PRR16: variants seen among roughly 807,000 people sequenced by gnomAD.
The protein encoded by PRR16 is proline rich 16.
PRR16 carries 6 observed loss-of-function variants against 18.2 expected under a neutral mutation model. That is an observed-to-expected ratio of 0.33 (90% CI 0.18 to 0.65). PRR16 has a LOEUF of 0.65. Ranked by LOEUF, PRR16 falls within the 30% of genes least tolerant of loss-of-function variation. The pLI is 0.74. For missense variants in PRR16, 412 were observed against 376.6 expected (o/e 1.09, Z -0.78); for synonymous variants, 151 against 147.8 (o/e 1.02, Z -0.16).
chr5:120,504,253 A>G (rs975137860), intron 1 of PRR16, among the ~76,000 whole-genome samples: 1 of 152,284 alleles, frequency 6.6e-6, no homozygotes, highest in East Asian at 1.9e-4. Context: ...TGATTCTGCT[A>G]GAAGTAAACA....
chr5:120,746,181 A>G, the PRR16 span, among the ~76,000 whole-genome samples: 2 of 151,572 alleles, frequency 1.3e-5, no homozygotes, highest in Non-Finnish European at 2.9e-5. Flanking sequence ...ATTTCCATAC[A>G]ATGATTGACA....
At chr5:120,502,497 T>C (rs1412327731) in intron 1 of PRR16, among the ~76,000 whole-genome samples, 1 of 151,984 alleles carries the variant, frequency 6.6e-6, no homozygotes, top group Admixed American at 6.6e-5. Flanking sequence ...TTATATCTTC[T>C]ATGTGTTTGT....
chr5:120,785,549 ATGTGTG>A, the PRR16 span, among the ~76,000 whole-genome samples: 9 of 135,156 alleles, frequency 6.7e-5, no homozygotes, highest in East Asian at 6.3e-4. Flanking sequence ...GTCTCTGTGT[ATGTGTG>A]TGTGTGTTTT....
At chr5:120,682,143 A>G (rs1362712331) in intron 1 of PRR16, among the ~76,000 whole-genome samples, 2 of 152,202 alleles carry the variant, frequency 1.3e-5, no homozygotes, top group African/African-American at 4.8e-5. Flanking sequence ...GAGCCAAAAC[A>G]GTCTTTAAAT....
At chr5:120,769,900 A>G in the PRR16 span, among the ~76,000 whole-genome samples, 20 of 151,698 alleles carry the variant, frequency 1.3e-4, no homozygotes, top group African/African-American at 4.8e-4. Context: ...ATAAAAGCCA[A>G]CTTAACAAGT....
chr5:120,568,909 G>C (rs1023939614), intron 1 of PRR16, among the ~76,000 whole-genome samples: 1 of 152,028 alleles, frequency 6.6e-6, no homozygotes, highest in Admixed American at 6.6e-5. Context: ...ACTGGTTCCT[G>C]ACAAACAAAC....
chr5:120,537,769 G>GTTATTTT lies in PRR16; in HGVS notation c.159+73126_159+73127insATTTTTT, dbSNP rs1561536413. On this transcript the variant is annotated intron_variant, in intron 1 of 1. Transcript: ENST00000407149. ...ACCCATATAACTTGGAATTTTTAAT[G>GTTATTTT]TTTTTTTTTTTTTTTTTTTTTTTTT... Among the ~76,000 whole-genome samples, 6 of 115,198 alleles carry GTTATTTT rather than the reference G, an allele frequency of 5.2e-5. 2 individuals are homozygous for GTTATTTT. Among genetic ancestry groups the GTTATTTT allele is most frequent in the Non-Finnish European group, 5.2e-5 (3 of 57,194 alleles). The allele number at this position is 115,198 out of a possible 152,430, so 75.6% of individuals were successfully genotyped here. A position where few individuals can be genotyped will look rare whatever the true frequency, so the allele number is the denominator to read the frequency against.
At chr5:120,721,869 A>G in the PRR16 span, among the ~76,000 whole-genome samples, 1 of 152,054 alleles carries the variant, frequency 6.6e-6, no homozygotes, top group East Asian at 1.9e-4. Flanking sequence ...TCTATAAAAT[A>G]CTAATAGTAT....
At chr5:120,779,097 C>T in the PRR16 span, among the ~76,000 whole-genome samples, 2 of 152,038 alleles carry the variant, frequency 1.3e-5, no homozygotes, top group Admixed American at 6.6e-5. Flanking sequence ...GTAAAATATG[C>T]ACACGTTAAC....
the PRR16 span, among the ~76,000 whole-genome samples, chr5:120,766,665 T>C: frequency 1.3e-5 from 2 of 151,982 alleles, no homozygotes; most frequent in Admixed American, 1.3e-4. Flanking sequence ...ATCCTCAATA[T>C]AGCACAAGAC....
chr5:120,706,009 A>G, the PRR16 span, among the ~76,000 whole-genome samples: 1 of 152,208 alleles, frequency 6.6e-6, no homozygotes, highest in Non-Finnish European at 1.5e-5. Flanking sequence ...TTGTGCTTTA[A>G]CAGTCATATA....
At chr5:120,490,718 G>A (rs1044183898) in intron 1 of PRR16, among the ~76,000 whole-genome samples, 3 of 151,832 alleles carry the variant, frequency 2.0e-5, no homozygotes, top group African/African-American at 7.3e-5. Context: ...TTTGGAGGAG[G>A]AGAGGCACTC....
chr5:120,698,450 T>A, the PRR16 span, among the ~76,000 whole-genome samples: 1 of 150,228 alleles, frequency 6.7e-6, no homozygotes, highest in Admixed American at 6.6e-5. Context: ...ACTTCAAGAG[T>A]TTAGAGTGGC....
chr5:120,683,803 T>C (rs17501927), intron 1 of PRR16, among the ~76,000 whole-genome samples: 16,394 of 152,098 alleles, frequency 0.11, 1,154 homozygotes, highest in Non-Finnish European at 0.14. Context: ...CAGTATTCCA[T>C]TGAGTGAGAC....
chr5:120,559,475 G>T (rs1435684613), intron 1 of PRR16, among the ~76,000 whole-genome samples: 2 of 151,806 alleles, frequency 1.3e-5, no homozygotes, highest in East Asian at 1.9e-4. Flanking sequence ...TGGATGTGTG[G>T]ATTTGTTTCT....
chr5:120,553,722 G>A (rs1438666828), intron 1 of PRR16, among the ~76,000 whole-genome samples: 1 of 151,838 alleles, frequency 6.6e-6, no homozygotes, highest in Non-Finnish European at 1.5e-5. Flanking sequence ...CTGATTGTGT[G>A]TTGAATTTTT....
chr5:120,764,317 CAT>C, the PRR16 span, among the ~76,000 whole-genome samples: 15 of 152,062 alleles, frequency 9.9e-5, no homozygotes, highest in Admixed American at 8.5e-4. Flanking sequence ...TTGAGATTAT[CAT>C]ATGTTTTCAT....
the PRR16 span, among the ~76,000 whole-genome samples, chr5:120,777,083 G>T: frequency 6.6e-6 from 1 of 151,900 alleles, no homozygotes; most frequent in East Asian, 1.9e-4. Context: ...CCAAGCTCTT[G>T]GTTCTCATAG....
At chr5:120,672,684 T>C (rs1224775900) in intron 1 of PRR16, among the ~76,000 whole-genome samples, 2 of 152,118 alleles carry the variant, frequency 1.3e-5, no homozygotes, top group African/African-American at 4.8e-5. Flanking sequence ...ACTGTGATGC[T>C]TGCAGAATAT....
Sources: allele counts gnomAD v4.1 joint callset (sites outside exome capture counted in the v4.1 genomes callset), GRCh38; gene constraint gnomAD v4.1.1; transcripts MANE v1.5; gene names NCBI Gene and HGNC (gene_info 2026-07-23, HGNC 2026-07-21).